Variants in UFM1 observed in about 807,000 individuals in gnomAD.
UFM1 encodes the protein ubiquitin fold modifier 1.
In UFM1, 9 loss-of-function variants were observed where a neutral mutation model predicts 15.4. The observed-to-expected ratio is 0.59, with a 90% CI of 0.35 to 1.02. UFM1 has a LOEUF of 1.02. UFM1 is among the 50% of genes least tolerant of loss of function. The pLI is 0.02. For synonymous variants in UFM1, 27 were observed against 36.3 expected (o/e 0.74, Z 0.92); for missense variants, 98 against 104.7 (o/e 0.94, Z 0.28).
intron 2 of UFM1, among the ~76,000 whole-genome samples, chr13:38,350,803 C>T (rs1878812362): frequency 6.6e-6 from 1 of 152,282 alleles, no homozygotes; most frequent in South Asian, 2.1e-4. Context: ...CCTTGGCCTA[C>T]CTAGCTGACT....
In UFM1 at chr13:38,363,404, C is replaced by A. The variant is rs1879512509; in HGVS notation, c.*2626C>A. The A allele has an allele frequency of 3.3e-5, 5 of 149,610 alleles. No homozygotes were observed. The highest frequency in any genetic ancestry group is 2.7e-4 in the Admixed American group (4 of 14,960). The allele number at this position is 149,610 out of a possible 1,614,324, so 9.3% of individuals were successfully genotyped here. ...GTACATTCTGATGTTCACATAGTGA[C>A]AAAATTGCCTAAGGAAGCATTTCTC... On this transcript the variant is annotated 3_prime_UTR_variant, in exon 6 of 6. Coordinates refer to ENST00000239878, the MANE Select transcript of UFM1 (RefSeq NM_016617.4).
At chr13:38,350,897 C>T (rs928094379) in intron 2 of UFM1, among the ~76,000 whole-genome samples, 2 of 152,158 alleles carry the variant, frequency 1.3e-5, no homozygotes, top group African/African-American at 4.8e-5. Context: ...TCCAAAATAT[C>T]CCTGTTACAC....
chr13:38,352,375 G>A (rs905327274), intron 2 of UFM1, among the ~76,000 whole-genome samples: 1 of 152,010 alleles, frequency 6.6e-6, no homozygotes, highest in African/African-American at 2.4e-5. Context: ...GGGATTATAG[G>A]CGTGAGCCAC....
intron 3 of UFM1, chr13:38,354,643 T>G: frequency 5.8e-6 from 1 of 171,734 alleles, no homozygotes; most frequent in East Asian, 1.5e-4. Context: ...CTAGTCTTGA[T>G]TCCAAAATTG....
chr13:38,350,808 C>T (rs1279550422), intron 2 of UFM1, among the ~76,000 whole-genome samples: 1 of 152,202 alleles, frequency 6.6e-6, no homozygotes, highest in Admixed American at 6.5e-5. Context: ...GCCTACCTAG[C>T]TGACTGATAA....
intron 3 of UFM1, among the ~76,000 whole-genome samples, chr13:38,356,473 CAA>C (rs1248514866): frequency 1.3e-5 from 2 of 151,794 alleles, no homozygotes; most frequent in East Asian, 1.9e-4. Context: ...TAAAAGGACA[CAA>C]GAGTGTACCA....
chr13:38,363,126 T>C lies in UFM1; in HGVS notation c.*2348T>C, dbSNP rs1192797403. ...AATGACCATAAGTCAGAGAAATTAG[T>C]TTATAGTCATCTGCCACAGACATAG... is the stretch of plus-strand genomic sequence containing the variant. On this transcript the variant is annotated 3_prime_UTR_variant, in exon 6 of 6. Transcript: ENST00000239878. The C allele has an allele frequency of 3.9e-5, 6 of 152,200 alleles. No individual in the cohort carries two copies. The highest frequency in any genetic ancestry group is 7.3e-5 in the Non-Finnish European group (5 of 68,040). The allele number at this position is 152,200 out of a possible 1,614,324, so 9.4% of individuals were successfully genotyped here.
In UFM1 at chr13:38,360,816, A is replaced by C; in HGVS notation, c.*38A>C. On this transcript the variant is annotated 3_prime_UTR_variant, in exon 6 of 6. Transcript: ENST00000239878. ...GGAACATACGATTGCCTTTCAGAAT[A>C]AATATTGGTATTTTTTGTTGTTGTA... The C allele has an allele frequency of 1.3e-6, 2 of 1,519,020 alleles. No individual in the cohort carries two copies. The highest frequency in any genetic ancestry group is 1.8e-6 in the Non-Finnish European group (2 of 1,101,780). 94.1% of individuals were successfully genotyped at this position (1,519,020 alleles called of 1,614,324 possible). A position where few individuals can be genotyped will look rare whatever the true frequency, so the allele number is the denominator to read the frequency against.
At chr13:38,358,574 T>C (rs1879230459) in intron 4 of UFM1, among the ~76,000 whole-genome samples, 1 of 151,920 alleles carries the variant, frequency 6.6e-6, no homozygotes, top group Non-Finnish European at 1.5e-5. Context: ...AATCTTAATA[T>C]CTTGGAACAC....
Position 38,349,982 on chromosome 13 carries a change from C to A in UFM1, c.3-17C>A. ...TCCAGCTGCCCGACCCTGACTCTCT[C>A]CCGCTCTTTTCCTCAGGTCGAAGGT... On this transcript the variant is annotated splice_polypyrimidine_tract_variant and intron_variant, in intron 1 of 5. Transcript: ENST00000239878. 1 of 1,614,068 alleles carries A rather than the reference C, an allele frequency of 6.2e-7. No homozygotes were observed. The highest frequency in any genetic ancestry group is 1.1e-5 in the South Asian group (1 of 91,080).
chr13:38,362,911 T>C lies in UFM1; in HGVS notation c.*2133T>C, dbSNP rs1879485630. On this transcript the variant is annotated 3_prime_UTR_variant, in exon 6 of 6. Coordinates refer to ENST00000239878, the MANE Select transcript of UFM1 (RefSeq NM_016617.4). ...AAAAAAATGTGATCTGTAATTTCTTTGTGCAGAATGATTTGAAGTATTGTA... is the reference window on the plus strand; with the variant it reads ...AAAAAAATGTGATCTGTAATTTCTTCGTGCAGAATGATTTGAAGTATTGTA... 4 of 152,220 alleles carry C rather than the reference T, an allele frequency of 2.6e-5. No homozygotes were observed. The allele number at this position is 152,220 out of a possible 1,614,324, so 9.4% of individuals were successfully genotyped here. A position where few individuals can be genotyped will look rare whatever the true frequency, so the allele number is the denominator to read the frequency against.
rs1435944948 is a variant in UFM1 at position 38,361,506 on chromosome 13, A to T, written c.*728A>T. The T allele has an allele frequency of 6.6e-6, 1 of 152,204 alleles. No individual in the cohort carries two copies. 9.4% of individuals were successfully genotyped at this position (152,204 alleles called of 1,614,324 possible). On this transcript the variant is annotated 3_prime_UTR_variant, in exon 6 of 6. Transcript: ENST00000239878. Reference sequence around the variant, plus strand: ...TACATTCCTTTATCAATCTCTTTTGATACAACATTTAAAACAAGTAGCTTC... The same window carrying T: ...TACATTCCTTTATCAATCTCTTTTGTTACAACATTTAAAACAAGTAGCTTC...
At chr13:38,358,026 A>C (rs1257777330) in intron 3 of UFM1, 67 bp from the exon 4 acceptor site, 1 of 758,112 alleles carries the variant, frequency 1.3e-6, no homozygotes, top group African/African-American at 1.9e-5. Context: ...CTTGCTAATT[A>C]TCTTATAGTT....
At position 38,359,306 on chromosome 13, in the gene UFM1, A is replaced by G; in HGVS notation, c.163A>G (p.Ile55Val). 1.2e-6 allele frequency: 2 copies of G among 1,610,602 alleles called. No individual in the cohort carries two copies. Among genetic ancestry groups the G allele is most frequent in the South Asian group, 2.2e-5 (2 of 90,728 alleles). ...ATSAIITNDG[I>V]GINPAQTAGN... ...TTTTACAACTTATTTTCTAGATGGAATAGGAATAAATCCTGCACAGACTGC... is the reference window on the plus strand; with the variant it reads ...TTTTACAACTTATTTTCTAGATGGAGTAGGAATAAATCCTGCACAGACTGC... The change falls in exon 5 of 6, where the codon ATA (isoleucine) becomes GTA (valine). Residue 55 changes from isoleucine to valine, a missense_variant. By Grantham distance (29) the Ile-to-Val change is conservative. Coordinates refer to ENST00000239878, the MANE Select transcript of UFM1 (RefSeq NM_016617.4).
intron 3 of UFM1, among the ~76,000 whole-genome samples, chr13:38,355,983 T>C (rs1879075412): frequency 6.6e-6 from 1 of 151,844 alleles, no homozygotes; most frequent in Non-Finnish European, 1.5e-5. Context: ...CAAAGAGCCC[T>C]AAATTATAAG....
chr13:38,350,229 TC>T, intron 2 of UFM1, 174 bp downstream of exon 2: 1 of 1,606,486 alleles, frequency 6.2e-7, no homozygotes, highest in Non-Finnish European at 8.5e-7. Context: ...CGAGGAGAGG[TC>T]CGTACTTGCT....
chr13:38,358,419 T>TC (rs397710341), intron 4 of UFM1, among the ~76,000 whole-genome samples: 1 of 151,414 alleles, frequency 6.6e-6, no homozygotes, highest in Non-Finnish European at 1.5e-5. Flanking sequence ...TTTTTTTTTT[T>TC]ATTAAGTAAA....
intron 3 of UFM1, chr13:38,354,572 T>C (rs1252529753): frequency 3.4e-6 from 1 of 293,572 alleles, no homozygotes; most frequent in East Asian, 5.8e-5. Context: ...AGGTGCTGAT[T>C]TTTAAATGTT....
Position 38,358,131 on chromosome 13 carries a change from T to G in UFM1, c.156T>G (p.Asn52Lys). Residue 52 changes from asparagine (N) to lysine (K), a missense_variant and splice_region_variant, in exon 4 of 6, where the codon AAT becomes AAG. Transcript: ENST00000239878. Reference protein sequence around the residue: ...VPAATSAIITNDGIGINPAQT... With the variant: ...VPAATSAIITKDGIGINPAQT... ...CTGCAACAAGTGCAATTATTACCAA[T>G]GGTAAGAATTCACTATAAAATTATG... 5 of 1,455,148 alleles carry G rather than the reference T, an allele frequency of 3.4e-6. No individual in the cohort carries two copies. The highest frequency in any genetic ancestry group is 4.6e-6 in the Non-Finnish European group (5 of 1,089,674). The allele number at this position is 1,455,148 out of a possible 1,614,324, so 90.1% of individuals were successfully genotyped here.
Sources: allele counts gnomAD v4.1 joint callset (sites outside exome capture counted in the v4.1 genomes callset), GRCh38; gene constraint gnomAD v4.1.1; transcripts MANE v1.5; gene names NCBI Gene and HGNC (gene_info 2026-07-23, HGNC 2026-07-21).